The following TMEM269 variants were observed in gnomAD, a reference collection of about 807,000 sequenced individuals.
TMEM269 encodes the protein transmembrane protein 269.
TMEM269 carries 12 observed loss-of-function variants against 15.8 expected under a neutral mutation model. The observed-to-expected ratio is 0.76, with a 90% CI of 0.49 to 1.23. The LOEUF (loss-of-function observed/expected upper bound fraction) is 1.23, where lower values mean the gene tolerates loss of function less well. Ranked by LOEUF, TMEM269 falls within the 50% of genes most tolerant of loss-of-function variation. The pLI is 0.00. For missense variants in TMEM269, 211 were observed against 245.4 expected (o/e 0.86, Z 0.94); for synonymous variants, 93 against 99.3 (o/e 0.94, Z 0.38).
At chr1:42,796,846 T>C (rs1051845129) in intron 5 of TMEM269, 4 of 152,108 alleles carry the variant, frequency 2.6e-5, no homozygotes, top group African/African-American at 9.7e-5. Flanking sequence ...TTCTATCAGA[T>C]CATATGTTCT....
intron 2 of TMEM269, among the ~76,000 whole-genome samples, chr1:42,790,282 A>C (rs183429577): frequency 6.6e-6 from 1 of 152,314 alleles, no homozygotes; most frequent in Admixed American, 6.5e-5. Context: ...GAGACATTAT[A>C]TGTTCCCCCA....
At position 42,788,071 on chromosome 1, in the gene TMEM269, G is replaced by A. The variant is rs1272110893; in HGVS notation, c.-98-1725G>A. On this transcript the variant is annotated intron_variant, in intron 1 of 5. Coordinates refer to ENST00000637012, the MANE Select transcript of TMEM269 (RefSeq NM_001354602.2). This position sits in a 1 kb window ranked among gnomAD's most constrained non-coding sequence, Gnocchi z 4.0. The stretch of plus-strand genomic sequence containing the variant: ...TAGCTACTGATCACCTTTGGTGAGT[G>A]AGGCTGGCCCATGGAGGCAGTGAGC... 1 of 152,332 alleles carries A rather than the reference G, an allele frequency of 6.6e-6. No individual in the cohort carries two copies. The highest frequency in any genetic ancestry group is 1.5e-5 in the Non-Finnish European group (1 of 68,126). The allele number at this position is 152,332 out of a possible 1,614,324, so 9.4% of individuals were successfully genotyped here.
chr1:42,786,707 C>T (rs1405779444), intron 1 of TMEM269, among the ~76,000 whole-genome samples: 5 of 152,226 alleles, frequency 3.3e-5, no homozygotes, highest in Non-Finnish European at 2.9e-5. Context: ...CGCCTCTTTT[C>T]TGTGCAGGGT....
chr1:42,795,790 A>G (rs1418135805), intron 5 of TMEM269, among the ~76,000 whole-genome samples: 1 of 152,178 alleles, frequency 6.6e-6, no homozygotes, highest in Non-Finnish European at 1.5e-5. Context: ...ATCTATGGGG[A>G]TCCAGAGTTC....
At chr1:42,786,862 A>G (rs1031768875) in intron 1 of TMEM269, among the ~76,000 whole-genome samples, 3 of 152,154 alleles carry the variant, frequency 2.0e-5, no homozygotes, top group African/African-American at 7.2e-5. Flanking sequence ...CCTTACTCTC[A>G]ATTCCACATC....
intron 2 of TMEM269, among the ~76,000 whole-genome samples, chr1:42,792,454 G>T (rs1277299548): frequency 6.6e-6 from 1 of 152,164 alleles, no homozygotes; most frequent in Non-Finnish European, 1.5e-5. Context: ...GGGAGATGGT[G>T]GCAGAGGCTG....
rs1240563839 is a variant in TMEM269 at position 42,798,208 on chromosome 1, C to G, written c.595C>G (p.Leu199Val). The G allele has an allele frequency of 1.3e-6, 2 of 1,547,352 alleles. No individual in the cohort carries two copies. Among genetic ancestry groups the G allele is most frequent in the Non-Finnish European group, 1.7e-6 (2 of 1,147,014 alleles). The change falls in exon 6 of 6, where the codon CTT becomes GTT. Residue 199 changes from leucine to valine, a missense_variant. Transcript: ENST00000637012. The stretch of plus-strand genomic sequence containing the variant: ...TGCTCTGTGGGGCAAGGCAGCCTGT[C>G]TTTCGCCACAGCACTGAGGAAGCTA... Reference protein sequence around the residue: ...PDALWGKAACLSPQH With the variant: ...PDALWGKAACVSPQH
chr1:42,787,641 C>G (rs936182240), intron 1 of TMEM269, among the ~76,000 whole-genome samples: 2 of 148,240 alleles, frequency 1.3e-5, no homozygotes, highest in Non-Finnish European at 3.0e-5. Context: ...AAAAAGAACC[C>G]TTGCCTGACA....
At chr1:42,787,498 G>GC (rs1398498077) in intron 1 of TMEM269, among the ~76,000 whole-genome samples, 2 of 151,234 alleles carry the variant, frequency 1.3e-5, no homozygotes, top group Non-Finnish European at 2.9e-5. Flanking sequence ...TACTGGGGAG[G>GC]CTGAGGCAGG....
intron 1 of TMEM269, chr1:42,789,167 C>T (rs1653602189): frequency 2.1e-6 from 1 of 469,798 alleles, no homozygotes; most frequent in Non-Finnish European, 3.9e-6. Context: ...AGATGATCCA[C>T]TTGCCTCAGC....
chr1:42,785,842 G>A lies in TMEM269; in HGVS notation c.-99+760G>A, dbSNP rs1354445488. ...CACCACAGGAGTGGAACCTTCCCCT[G>A]CCCCACCCCAGACTTAGTCTCTCCA... is the stretch of plus-strand genomic sequence containing the variant. On this transcript the variant is annotated intron_variant, in intron 1 of 5. Coordinates refer to ENST00000637012, the MANE Select transcript of TMEM269 (RefSeq NM_001354602.2). Among the ~76,000 whole-genome samples the A allele has an allele frequency of 2.6e-5, 4 of 152,226 alleles. No individual in the cohort carries two copies. The East Asian group carries it at 7.7e-4, about 29-fold the overall frequency.
chr1:42,789,073 C>T (rs1653600637), intron 1 of TMEM269, among the ~76,000 whole-genome samples: 2 of 152,054 alleles, frequency 1.3e-5, no homozygotes, highest in African/African-American at 2.4e-5. Flanking sequence ...CAGGCATGCA[C>T]CGCCACACCC....
Position 42,788,397 on chromosome 1 carries a change from G to A in TMEM269, c.-98-1399G>A, listed in dbSNP as rs918258178. 6.6e-6 allele frequency among the ~76,000 whole-genome samples: 1 copy of A among 152,136 alleles called. No individual in the cohort carries two copies. Among genetic ancestry groups the A allele is most frequent in the Non-Finnish European group, 1.5e-5 (1 of 68,028 alleles). On this transcript the variant is annotated intron_variant, in intron 1 of 5. Transcript: ENST00000637012. The surrounding 1 kb of genome is among the most constrained non-coding windows in gnomAD (Gnocchi z 4.0). ...GGCTGGTACATTTGCCCCAACCAGC[G>A]GGGCTTCTCAGTTTTGGGGAGGAAT...
chr1:42,798,001 A>C (rs1653816562), intron 5 of TMEM269, 97 bp from the exon 6 acceptor site: 9 of 1,390,752 alleles, frequency 6.5e-6, no homozygotes, highest in Non-Finnish European at 8.9e-6. Flanking sequence ...GTGGGTGAAA[A>C]GTAAAGAATG....
chr1:42,796,540 T>G lies in TMEM269; in HGVS notation c.485-1558T>G, dbSNP rs967332001. 97 of 18,016 alleles carry G rather than the reference T, an allele frequency of 5.4e-3. 1 individual carries two copies. Among genetic ancestry groups the G allele is most frequent in the African/African-American group, 0.025 (91 of 3,668 alleles). The allele number at this position is 18,016 out of a possible 1,614,324, so 1.1% of individuals were successfully genotyped here. On this transcript the variant is annotated intron_variant, in intron 5 of 5. Transcript: ENST00000637012. Reference sequence around the variant, plus strand: ...ACTCTGAAACCTTATATGAAATACTTTTTTTTTTTTTTTTTACAGGGAGTA... The same window carrying G: ...ACTCTGAAACCTTATATGAAATACTGTTTTTTTTTTTTTTTACAGGGAGTA...
At position 42,793,681 on chromosome 1, in the gene TMEM269, A is replaced by G. The variant is rs1557592800; in HGVS notation, c.220A>G (p.Ser74Gly). 1.9e-6 allele frequency: 3 copies of G among 1,550,504 alleles called. No individual in the cohort carries two copies. The highest frequency in any genetic ancestry group is 2.6e-6 in the Non-Finnish European group (3 of 1,146,958). The change falls in exon 4 of 6, where the codon AGT becomes GGT. Residue 74 changes from serine (S) to glycine (G), a missense_variant. Physicochemically the swap from Ser to Gly is moderately conservative, Grantham distance 56 (BLOSUM62 0). Transcript: ENST00000637012. ...GCTCCTAGGCGTGGATGGACTTCTG[A>G]GTGGGATCCTGGCCATCATCTATGT... The part of the protein sequence containing the change: ...ALLLGVDGLL[S>G]GILAIIYVSA...
chr1:42,785,804 C>A (rs965633306), intron 1 of TMEM269, among the ~76,000 whole-genome samples: 4 of 152,224 alleles, frequency 2.6e-5, no homozygotes, highest in Non-Finnish European at 5.9e-5. Flanking sequence ...TCCTTAGAGA[C>A]CCTGATAAAT....
intron 2 of TMEM269, among the ~76,000 whole-genome samples, chr1:42,792,460 G>A (rs1653710420): frequency 6.6e-6 from 1 of 152,144 alleles, no homozygotes; most frequent in Non-Finnish European, 1.5e-5. Context: ...TGGTGGCAGA[G>A]GCTGGACTAG....
chr1:42,799,775 T>C lies in TMEM269; in HGVS notation c.*1550T>C, dbSNP rs1013278195. On this transcript the variant is annotated 3_prime_UTR_variant, in exon 6 of 6. Transcript: ENST00000637012. Reference sequence around the variant, plus strand: ...CTTCAATGCTGTACATCCATTTCAATGTGATGCTCCCCTTAATCAAAGCAT... The same window carrying C: ...CTTCAATGCTGTACATCCATTTCAACGTGATGCTCCCCTTAATCAAAGCAT... The C allele has an allele frequency of 2.0e-5, 3 of 152,236 alleles. No homozygotes were observed. The highest frequency in any genetic ancestry group is 7.2e-5 in the African/African-American group (3 of 41,454). 9.4% of individuals were successfully genotyped at this position (152,236 alleles called of 1,614,324 possible).
Sources: gnomAD v4.1 joint callset for allele counts (sites outside exome capture counted in the v4.1 genomes callset) on GRCh38, gnomAD v4.1.1 for gene constraint, Gnocchi (gnomAD v3.1) non-coding constraint, MANE v1.5 for transcripts, NCBI Gene and HGNC (gene_info 2026-07-23, HGNC 2026-07-21) for gene names.